Variants in DDI2 observed in about 807,000 individuals in gnomAD.
DDI2 encodes the protein protein DDI1 homolog 2.
In DDI2, 5 loss-of-function variants were observed where a neutral mutation model predicts 48.1. That is an observed-to-expected ratio of 0.10 (90% CI 0.05 to 0.22). The LOEUF (loss-of-function observed/expected upper bound fraction) is 0.22, where lower values mean the gene tolerates loss of function less well. Ranked by LOEUF, DDI2 falls within the 10% of genes least tolerant of loss-of-function variation. The pLI, the probability that DDI2 is intolerant of heterozygous loss-of-function variation, is 1.00. For missense variants in DDI2, 285 were observed against 506.2 expected, an observed-to-expected ratio of 0.56 and a Z score of 4.19; for synonymous variants, 205 against 183.6, an observed-to-expected ratio of 1.12 and a Z score of -0.94.
At chr1:15,656,560 G>A in intron 8 of DDI2, 57 bp from the exon 9 acceptor site, 1 of 1,614,046 alleles carries the variant, frequency 6.2e-7, no homozygotes, top group South Asian at 1.1e-5. Flanking sequence ...AACCCTGCAT[G>A]CTGTGTGGTT....
At chr1:15,637,420 G>A (rs1268363953) in intron 4 of DDI2, among the ~76,000 whole-genome samples, 2 of 152,192 alleles carry the variant, frequency 1.3e-5, no homozygotes, top group Non-Finnish European at 2.9e-5. Flanking sequence ...CGCTCAGGCT[G>A]GAGTGTAGTC....
intron 3 of DDI2, among the ~76,000 whole-genome samples, chr1:15,633,224 C>G (rs1021862258): frequency 3.9e-5 from 6 of 152,142 alleles, no homozygotes; most frequent in Admixed American, 3.9e-4. Flanking sequence ...CTACCACACC[C>G]AGCCACAAAT....
rs60165951 is a variant in DDI2 at position 15,643,830 on chromosome 1, C to G, written c.889+180C>G. ...TTCTAGAAGTTTTAAATCCTGTGTTCCGTCAAAGTTATGTGTTTCTGCTGG... is the reference window on the plus strand; with the variant it reads ...TTCTAGAAGTTTTAAATCCTGTGTTGCGTCAAAGTTATGTGTTTCTGCTGG... On this transcript the variant is annotated intron_variant, in intron 6 of 9. Coordinates refer to ENST00000480945, the MANE Select transcript of DDI2 (RefSeq NM_032341.5). 5.5e-3 allele frequency among the ~76,000 whole-genome samples: 841 copies of G among 152,246 alleles called. 6 individuals carry two copies. The highest frequency in any genetic ancestry group is 0.019 in the African/African-American group (787 of 41,534).
chr1:15,648,551 A>AT (rs1356355413), intron 6 of DDI2, among the ~76,000 whole-genome samples: 1 of 152,208 alleles, frequency 6.6e-6, no homozygotes, highest in Non-Finnish European at 1.5e-5. Context: ...CTAGAAAAAC[A>AT]TTGCCTTCTA....
chr1:15,661,152 A>G lies in DDI2; in HGVS notation c.*1362A>G. On this transcript the variant is annotated 3_prime_UTR_variant, in exon 10 of 10. Transcript: ENST00000480945. Reference sequence around the variant, plus strand: ...TATCTGTATCAGTGGAGACAGAAAAATTAACAGGTACTTCATCTGACACTG... The same window carrying G: ...TATCTGTATCAGTGGAGACAGAAAAGTTAACAGGTACTTCATCTGACACTG... The G allele has an allele frequency of 6.2e-7, 1 of 1,614,112 alleles. No homozygotes were observed. Among genetic ancestry groups the G allele is most frequent in the South Asian group, 1.1e-5 (1 of 91,068 alleles).
intron 2 of DDI2, 35 bp from the exon 3 acceptor site, chr1:15,630,290 T>C: frequency 6.2e-7 from 1 of 1,602,892 alleles, no homozygotes; most frequent in Non-Finnish European, 8.5e-7. Context: ...TTTTGTAGAG[T>C]AATTTGAGTA....
At chr1:15,646,662 G>T (rs1640096677) in intron 6 of DDI2, among the ~76,000 whole-genome samples, 2 of 151,968 alleles carry the variant, frequency 1.3e-5, no homozygotes, top group Non-Finnish European at 2.9e-5. Flanking sequence ...ACTCCAGCCT[G>T]GGCAATAAGA....
intron 2 of DDI2, among the ~76,000 whole-genome samples, chr1:15,629,977 C>T (rs1215983435): frequency 5.9e-5 from 9 of 152,140 alleles, no homozygotes; most frequent in Non-Finnish European, 1.0e-4. Flanking sequence ...GGTGATCCAG[C>T]CACCTTGACC....
intron 8 of DDI2, 141 bp from the exon 9 acceptor site, chr1:15,656,475 CA>C: frequency 6.4e-7 from 1 of 1,550,488 alleles, no homozygotes; most frequent in Non-Finnish European, 8.7e-7. Context: ...TTTGGATGTC[CA>C]AACTACAGAA....
rs1640452293 is a variant in DDI2, at chr1:15,666,382, G to GCTCACCTTGACTGAGTTGATTCACA, written c.*6593_*6617dup. The GCTCACCTTGACTGAGTTGATTCACA allele has an allele frequency of 6.6e-6, 1 of 152,160 alleles. No individual in the cohort carries two copies. The highest frequency in any genetic ancestry group is 6.5e-5 in the Admixed American group (1 of 15,278). The allele number at this position is 152,160 out of a possible 1,614,324, so 9.4% of individuals were successfully genotyped here. A position where few individuals can be genotyped will look rare whatever the true frequency, so the allele number is the denominator to read the frequency against. On this transcript the variant is annotated 3_prime_UTR_variant, in exon 10 of 10. Coordinates refer to ENST00000480945, the MANE Select transcript of DDI2 (RefSeq NM_032341.5). ...GGAGGGCACACAGAGTGGTCCTCAG[G>GCTCACCTTGACTGAGTTGATTCACA]CTCACCTTGACTGAGTTGATTCACA...
chr1:15,628,968 G>A (rs1055797376), intron 2 of DDI2, among the ~76,000 whole-genome samples: 6 of 152,102 alleles, frequency 3.9e-5, no homozygotes, highest in Middle Eastern at 3.2e-3. Flanking sequence ...ATGTGAGTCC[G>A]TTGTGTAAGG....
rs146501056 is a variant in DDI2, at chr1:15,635,044, A to G, written c.632+1479A>G. 8.9e-4 allele frequency among the ~76,000 whole-genome samples: 136 copies of G among 152,250 alleles called. 2 individuals carry two copies. In the East Asian group the frequency reaches 0.023, roughly 26 times the overall value. On this transcript the variant is annotated intron_variant, in intron 4 of 9. Transcript: ENST00000480945. ...GGAGTTTGAGGCCAGCCTGGGCAGC[A>G]AAGTGAGACTCTGTCTTTACAAAAA...
At chr1:15,627,276 T>G (rs1225359930) in intron 2 of DDI2, among the ~76,000 whole-genome samples, 3 of 152,172 alleles carry the variant, frequency 2.0e-5, no homozygotes, top group Non-Finnish European at 4.4e-5. Flanking sequence ...TACATACTAA[T>G]TTGCATAATA....
At chr1:15,638,169 A>AC in intron 4 of DDI2, 138 bp from the exon 5 acceptor site, 1 of 1,205,122 alleles carries the variant, frequency 8.3e-7, no homozygotes, top group Non-Finnish European at 1.2e-6. Context: ...CCCATATAGC[A>AC]CCAATTTTTC....
rs368952531 is a variant in DDI2, at chr1:15,660,917, C to T, written c.*1127C>T. On this transcript the variant is annotated 3_prime_UTR_variant, in exon 10 of 10. Coordinates refer to ENST00000480945, the MANE Select transcript of DDI2 (RefSeq NM_032341.5). ...GTGGAGTCAGCAGAAGAATCTTGCCCGTCTATAACGGCAGCCTTGAAAGAA... is the reference window on the plus strand; with the variant it reads ...GTGGAGTCAGCAGAAGAATCTTGCCTGTCTATAACGGCAGCCTTGAAAGAA... 1.4e-5 allele frequency: 23 copies of T among 1,613,090 alleles called. No individual in the cohort carries two copies. Among genetic ancestry groups the T allele is most frequent in the Admixed American group, 1.0e-4 (6 of 59,830 alleles).
rs1427030119 is a variant in DDI2 at position 15,667,114 on chromosome 1, G to A, written c.*7324G>A. On this transcript the variant is annotated 3_prime_UTR_variant, in exon 10 of 10. Transcript: ENST00000480945. ...CCCAGCTACTCGGGAAACTGAGGCA[G>A]AAGAATCGCTTGAACCCGGGAGGCG... 1 of 151,862 alleles carries A rather than the reference G, an allele frequency of 6.6e-6. No homozygotes were observed. The highest frequency in any genetic ancestry group is 1.5e-5 in the Non-Finnish European group (1 of 68,144). 9.4% of individuals were successfully genotyped at this position (151,862 alleles called of 1,614,324 possible).
intron 2 of DDI2, 97 bp from the exon 3 acceptor site, chr1:15,630,228 T>C: frequency 1.9e-6 from 2 of 1,070,032 alleles, no homozygotes; most frequent in Admixed American, 1.9e-5. Flanking sequence ...CCTTTGCTGC[T>C]GTCATATACC....
At chr1:15,641,491 A>G (rs1158976052) in intron 5 of DDI2, among the ~76,000 whole-genome samples, 1 of 151,916 alleles carries the variant, frequency 6.6e-6, no homozygotes, top group Non-Finnish European at 1.5e-5. Flanking sequence ...AAAAAGTGAC[A>G]TTTTAGGAAA....
In DDI2 at chr1:15,660,625, A is replaced by G; in HGVS notation, c.*835A>G. 1 of 1,614,168 alleles carries G rather than the reference A, an allele frequency of 6.2e-7. No individual in the cohort carries two copies. The highest frequency in any genetic ancestry group is 8.5e-7 in the Non-Finnish European group (1 of 1,180,044). On this transcript the variant is annotated 3_prime_UTR_variant, in exon 10 of 10. Coordinates refer to ENST00000480945, the MANE Select transcript of DDI2 (RefSeq NM_032341.5). ...TTCAGAAACATTTATGGAAATCGAT[A>G]CAGCTCAACAGTCCCTAGTTACTTT...
Sources: allele counts gnomAD v4.1 joint callset (sites outside exome capture counted in the v4.1 genomes callset), GRCh38; gene constraint gnomAD v4.1.1; transcripts MANE v1.5; gene names NCBI Gene and HGNC (gene_info 2026-07-23, HGNC 2026-07-21).